Variants in MYH14 observed in about 807,000 individuals in gnomAD.
MYH14 encodes myosin heavy chain 14, also known as myosin-14.
MYH14 carries 123 observed loss-of-function variants against 255.5 expected under a neutral mutation model. The ratio of observed to expected loss-of-function variants is 0.48; its 90% CI spans 0.42 to 0.56. MYH14 has a LOEUF of 0.56. Among genes scored for constraint, MYH14 ranks in the 20% least tolerant of loss-of-function variants. The pLI is 0.00. For synonymous variants in MYH14, 1,095 were observed against 1,161.2 expected, an observed-to-expected ratio of 0.94 and a Z score of 1.16; for missense variants, 2,423 against 2,802.3, an observed-to-expected ratio of 0.86 and a Z score of 3.06.
intron 8 of MYH14, among the ~76,000 whole-genome samples, chr19:50,229,908 G>A (rs2033289786): frequency 6.6e-6 from 1 of 152,036 alleles, no homozygotes; most frequent in Non-Finnish European, 1.5e-5. Context: ...ATCCAGGGTC[G>A]ATGAGGTTTC....
At chr19:50,239,166 T>C (rs2033791138) in intron 10 of MYH14, among the ~76,000 whole-genome samples, 2 of 151,896 alleles carry the variant, frequency 1.3e-5, no homozygotes, top group South Asian at 4.1e-4. Flanking sequence ...ATTACAGGCA[T>C]GCGCCGCCAC....
chr19:50,307,169 G>T lies in MYH14; in HGVS notation c.5787+12G>T, dbSNP rs1267945502. 2.0e-6 allele frequency: 3 copies of T among 1,500,178 alleles called. No homozygotes were observed. Among genetic ancestry groups the T allele is most frequent in the Non-Finnish European group, 2.7e-6 (3 of 1,102,430 alleles). 92.9% of individuals were successfully genotyped at this position (1,500,178 alleles called of 1,614,324 possible). A position where few individuals can be genotyped will look rare whatever the true frequency, so the allele number is the denominator to read the frequency against. ...AGCTCCGGGACCAGGTAAGCAGCTG[G>T]CATCATTAGGGAGCAGTGGAGAGTG... On this transcript the variant is annotated intron_variant, in intron 41 of 42. Coordinates refer to ENST00000642316, the MANE Select transcript of MYH14 (RefSeq NM_001145809.2).
chr19:50,269,607 A>G (rs980924171), intron 24 of MYH14, among the ~76,000 whole-genome samples: 13 of 152,230 alleles, frequency 8.5e-5, no homozygotes, highest in African/African-American at 3.1e-4. Context: ...ACATCACACC[A>G]CAGACGGCCA....
chr19:50,207,251 G>GAA (rs2031822005), intron 1 of MYH14, among the ~76,000 whole-genome samples: 10 of 128,956 alleles, frequency 7.8e-5, no homozygotes, highest in East Asian at 3.1e-4. Context: ...GAGAGAGAGA[G>GAA]AGAGAAAGAG....
At chr19:50,231,850 G>A in intron 9 of MYH14, 80 bp from the exon 10 acceptor site, 1 of 1,576,664 alleles carries the variant, frequency 6.3e-7, no homozygotes, top group Non-Finnish European at 8.7e-7. Context: ...GGCATGTCCT[G>A]GGATTGCCAC....
At chr19:50,238,506 C>T (rs187035505) in intron 10 of MYH14, among the ~76,000 whole-genome samples, 9 of 152,064 alleles carry the variant, frequency 5.9e-5, no homozygotes, top group African/African-American at 1.2e-4. Context: ...GAGCAGAGTG[C>T]GGTGGTGTGA....
In MYH14 at chr19:50,290,869, T is replaced by C. The variant is rs768855887; in HGVS notation, c.4966-18T>C. 1.3e-6 allele frequency: 2 copies of C among 1,550,558 alleles called. No homozygotes were observed. On this transcript the variant is annotated intron_variant, in intron 35 of 42. Transcript: ENST00000642316. Reference sequence around the variant, plus strand: ...GGCTTCCTGTGTCTGACCCGGTCCCTCCTGACCTCCTCTCCAGCTGAGAGA... The same window carrying C: ...GGCTTCCTGTGTCTGACCCGGTCCCCCCTGACCTCCTCTCCAGCTGAGAGA...
At position 50,276,116 on chromosome 19, in the gene MYH14, A is replaced by T. The variant is rs755161446; in HGVS notation, c.3593A>T (p.Gln1198Leu). The change falls in exon 28 of 43, where the codon CAG becomes CTG. Residue 1198 changes from glutamine to leucine, a missense_variant. Coordinates refer to ENST00000642316, the MANE Select transcript of MYH14 (RefSeq NM_001145809.2). The surrounding 1 kb of genome is among the most constrained non-coding windows in gnomAD (Gnocchi z 4.3). ...GTGGCCAGGACCAAGGCGGAGAAGCAGCGCCGGGACCTGGGCGAGGAGCTG... is the reference window on the plus strand; with the variant it reads ...GTGGCCAGGACCAAGGCGGAGAAGCTGCGCCGGGACCTGGGCGAGGAGCTG... ...ERVARTKAEK[Q>L]RRDLGEELEA... 34 of 1,601,270 alleles carry T rather than the reference A, an allele frequency of 2.1e-5. No individual in the cohort carries two copies. Among genetic ancestry groups the T allele is most frequent in the Non-Finnish European group, 2.7e-5 (32 of 1,174,996 alleles).
chr19:50,231,790 C>T, intron 9 of MYH14, 140 bp from the exon 10 acceptor site: 1 of 1,130,334 alleles, frequency 8.8e-7, no homozygotes, highest in Non-Finnish European at 1.3e-6. Context: ...CCCGACCCTT[C>T]CCACCACACT....
In MYH14 at chr19:50,245,795, G is replaced by A. The variant is rs546445545; in HGVS notation, c.1211-1209G>A. Among the ~76,000 whole-genome samples, 11 of 152,290 alleles carry A rather than the reference G, an allele frequency of 7.2e-5. No individual in the cohort carries two copies. In the South Asian group the frequency reaches 1.0e-3, roughly 14 times the overall value. On this transcript the variant is annotated intron_variant, in intron 11 of 42. Transcript: ENST00000642316. ...TACATAGGCACCCAGCAGGTGTGCC[G>A]TGCACACACATTTACTCATTTGTTT...
At chr19:50,208,270 C>T (rs1421735821) in intron 1 of MYH14, among the ~76,000 whole-genome samples, 1 of 152,140 alleles carries the variant, frequency 6.6e-6, no homozygotes, top group Non-Finnish European at 1.5e-5. Flanking sequence ...CAAAAATTAG[C>T]CAGGCATAGA....
At chr19:50,298,580 G>C (rs1796376613) in intron 39 of MYH14, among the ~76,000 whole-genome samples, 1 of 151,644 alleles carries the variant, frequency 6.6e-6, no homozygotes, top group Non-Finnish European at 1.5e-5. Flanking sequence ...GTGAACCCCT[G>C]TCTCTACTAA....
rs2123420516 is a variant in MYH14 at position 50,280,475 on chromosome 19, C to T, written c.4290+92C>T. 1.5e-6 allele frequency: 2 copies of T among 1,340,438 alleles called. No homozygotes were observed. The highest frequency in any genetic ancestry group is 2.7e-4 in the Middle Eastern group (1 of 3,722). The allele number at this position is 1,340,438 out of a possible 1,614,324, so 83.0% of individuals were successfully genotyped here. The stretch of plus-strand genomic sequence containing the variant: ...AGCTCAGGGATGGCCATGCTGCCCA[C>T]CTTCTCATAGGCCAGACCCATGGGT... On this transcript the variant is annotated intron_variant, in intron 32 of 42. Coordinates refer to ENST00000642316, the MANE Select transcript of MYH14 (RefSeq NM_001145809.2). The surrounding 1 kb of genome is among the most constrained non-coding windows in gnomAD (Gnocchi z 4.8).
intron 11 of MYH14, among the ~76,000 whole-genome samples, chr19:50,244,776 C>T (rs1015428228): frequency 6.6e-6 from 1 of 152,106 alleles, no homozygotes; most frequent in Non-Finnish European, 1.5e-5. Context: ...AGCCACCGTG[C>T]CTGGCCGATT....
Position 50,210,702 on chromosome 19 carries a change from C to G in MYH14, c.337C>G (p.Leu113Val). 6.4e-7 allele frequency: 1 copy of G among 1,569,334 alleles called. No individual in the cohort carries two copies. Among genetic ancestry groups the G allele is most frequent in the Non-Finnish European group, 8.6e-7 (1 of 1,159,286 alleles). Residue 113 changes from leucine to valine, a missense_variant, in exon 2 of 43, where the codon CTG becomes GTG. Transcript: ENST00000642316. ...CAGCAAGGCCGAGGACATGGCCGAGCTGACCTGCCTCAACGAGGCCTCGGT... is the reference window on the plus strand; with the variant it reads ...CAGCAAGGCCGAGGACATGGCCGAGGTGACCTGCCTCAACGAGGCCTCGGT... ...KFSKAEDMAELTCLNEASVLH... is the reference protein window; with the variant it reads ...KFSKAEDMAEVTCLNEASVLH...
At chr19:50,303,587 G>A (rs1217570534) in intron 40 of MYH14, among the ~76,000 whole-genome samples, 2 of 152,096 alleles carry the variant, frequency 1.3e-5, no homozygotes, top group Non-Finnish European at 1.5e-5. Flanking sequence ...ATTGCCAAGG[G>A]TATGGATACA....
At position 50,225,569 on chromosome 19, in the gene MYH14, C is replaced by T. The variant is rs1453445549; in HGVS notation, c.718-16C>T. On this transcript the variant is annotated splice_polypyrimidine_tract_variant and intron_variant, in intron 6 of 42. Transcript: ENST00000642316. ...CATTCTCACTGACCTCATGCATCAT[C>T]TCCTGTGCCCGGCAGGGTGAGCTGG... The T allele has an allele frequency of 6.2e-7, 1 of 1,609,308 alleles. No homozygotes were observed. The highest frequency in any genetic ancestry group is 8.5e-7 in the Non-Finnish European group (1 of 1,177,546).
chr19:50,211,621 A>C (rs1435274657), intron 2 of MYH14, among the ~76,000 whole-genome samples: 1 of 152,164 alleles, frequency 6.6e-6, no homozygotes, highest in African/African-American at 2.4e-5. Context: ...CAGAGAGTTC[A>C]AGGTCACACA....
chr19:50,253,129 G>A (rs1052546238), intron 16 of MYH14, among the ~76,000 whole-genome samples: 21 of 152,080 alleles, frequency 1.4e-4, no homozygotes, highest in Admixed American at 5.9e-4. Context: ...ATTTTTAGAT[G>A]GCCTGTGTTC....
Sources: allele counts gnomAD v4.1 joint callset (sites outside exome capture counted in the v4.1 genomes callset), GRCh38; gene constraint gnomAD v4.1.1; non-coding constraint Gnocchi (gnomAD v3.1); transcripts MANE v1.5; gene names NCBI Gene and HGNC (gene_info 2026-07-23, HGNC 2026-07-21).